Variants in WWP1 observed in about 807,000 individuals in gnomAD.
WWP1 encodes WW domain containing E3 ubiquitin protein ligase 1.
In WWP1, 49 loss-of-function variants were observed where a neutral mutation model predicts 130.6. The ratio of observed to expected loss-of-function variants is 0.38; its 90% CI spans 0.30 to 0.48. WWP1 has a LOEUF of 0.48. Ranked by LOEUF, WWP1 falls within the 20% of genes least tolerant of loss-of-function variation. The probability of loss-of-function intolerance (pLI) is 0.99; values close to 1 mark genes in which losing one functional copy is unlikely to be tolerated. For missense variants in WWP1, 809 were observed against 1,100.6 expected (o/e 0.74, Z 3.75); for synonymous variants, 332 against 367.8 (o/e 0.90, Z 1.11).
chr8:86,433,828 G>A (rs565753288), intron 14 of WWP1, among the ~76,000 whole-genome samples: 1 of 152,110 alleles, frequency 6.6e-6, no homozygotes, highest in Admixed American at 6.5e-5. Flanking sequence ...TGAGGCAGGA[G>A]AATCGCTTGA....
In WWP1 at chr8:86,468,466, T is replaced by A. The variant is rs1036956003; in HGVS notation, c.*1573T>A. On this transcript the variant is annotated 3_prime_UTR_variant, in exon 25 of 25. Coordinates refer to ENST00000517970, the MANE Select transcript of WWP1 (RefSeq NM_007013.4). Reference sequence around the variant, plus strand: ...AAATTCTAATGTATGTGACAGGTTATGTGATAGAGGGAAACTGGCCTTCAA... The same window carrying A: ...AAATTCTAATGTATGTGACAGGTTAAGTGATAGAGGGAAACTGGCCTTCAA... 2.3e-6 allele frequency: 1 copy of A among 430,922 alleles called. No homozygotes were observed. 26.7% of individuals were successfully genotyped at this position (430,922 alleles called of 1,614,324 possible). A position where few individuals can be genotyped will look rare whatever the true frequency, so the allele number is the denominator to read the frequency against.
At chr8:86,451,228 A>G (rs1811159149) in intron 20 of WWP1, among the ~76,000 whole-genome samples, 1 of 40,620 alleles carries the variant, frequency 2.5e-5, no homozygotes, top group Admixed American at 3.9e-4. Context: ...AAAAAAAAAA[A>G]AAAAAAAAAA....
chr8:86,359,033 G>A (rs1040884706), intron 1 of WWP1, among the ~76,000 whole-genome samples: 2 of 152,182 alleles, frequency 1.3e-5, no homozygotes, highest in African/African-American at 2.4e-5. Flanking sequence ...GTGGGAAGTC[G>A]TTGGTATCCA....
rs139848732 is a variant in WWP1, at chr8:86,354,681, A to G, written c.-115+11751A>G. On this transcript the variant is annotated intron_variant, in intron 1 of 24. Coordinates refer to ENST00000517970, the MANE Select transcript of WWP1 (RefSeq NM_007013.4). ...TTATAACAAAATGTGGCAGTACTGT[A>G]TTCCTTTCAAGTTCTTAAATGTAAT... Among the ~76,000 whole-genome samples, 514 of 152,280 alleles carry G rather than the reference A, an allele frequency of 3.4e-3. 15 individuals are homozygous for G. The East Asian group carries it at 0.045, about 13-fold the overall frequency.
At chr8:86,423,063 ATTTTTTT>A (rs200170387) in intron 9 of WWP1, among the ~76,000 whole-genome samples, 2 of 140,622 alleles carry the variant, frequency 1.4e-5, no homozygotes, top group Non-Finnish European at 3.1e-5. Context: ...AGGTTTCTTC[ATTTTTTT>A]TTTTTTTTTG....
rs184655516 is a variant in WWP1, at chr8:86,396,622, C to G, written c.335-1720C>G. Among the ~76,000 whole-genome samples the G allele has an allele frequency of 1.3e-3, 195 of 144,558 alleles. 2 individuals carry two copies. Among genetic ancestry groups the G allele is most frequent in the Middle Eastern group, 7.8e-3 (2 of 256 alleles). The allele number at this position is 144,558 out of a possible 152,430, so 94.8% of individuals were successfully genotyped here. ...TCTTCTTTCTTTTTTCAGACAGGGT[C>G]TCGCTCTATTACTCCCACTCGAGTA... On this transcript the variant is annotated intron_variant, in intron 5 of 24. Coordinates refer to ENST00000517970, the MANE Select transcript of WWP1 (RefSeq NM_007013.4).
intron 1 of WWP1, among the ~76,000 whole-genome samples, chr8:86,363,794 C>CAA (rs375454489): frequency 0.027 from 1,564 of 57,362 alleles, 31 homozygotes; most frequent in Middle Eastern, 0.087. Flanking sequence ...GACTCCATCT[C>CAA]AAAAAAAAAA....
intron 8 of WWP1, among the ~76,000 whole-genome samples, chr8:86,407,239 T>C (rs183434291): frequency 1.5e-3 from 230 of 152,322 alleles, no homozygotes; most frequent in South Asian, 2.3e-3. Flanking sequence ...CCTTCCTCTT[T>C]CCTTTTCCTT....
chr8:86,356,400 G>A (rs1823259445), intron 1 of WWP1, among the ~76,000 whole-genome samples: 1 of 151,384 alleles, frequency 6.6e-6, no homozygotes, highest in South Asian at 2.1e-4. Flanking sequence ...GTTCACTAGG[G>A]TAAGGGGAAA....
chr8:86,431,495 GTA>G lies in WWP1; in HGVS notation c.1472+10_1472+11del, dbSNP rs1809974186. 1 of 1,612,712 alleles carries G rather than the reference GTA, an allele frequency of 6.2e-7. No individual in the cohort carries two copies. Among genetic ancestry groups the G allele is most frequent in the South Asian group, 1.1e-5 (1 of 90,876 alleles). On this transcript the variant is annotated splice_donor_region_variant and intron_variant, in intron 13 of 24. Transcript: ENST00000517970. ...GGAAGATCCAAGAACTCAAGGGTAT[GTA>G]TATACAGCAGCCTTAAGTCGTCTTG...
chr8:86,383,252 A>G (rs896906508), intron 5 of WWP1, among the ~76,000 whole-genome samples: 1 of 152,038 alleles, frequency 6.6e-6, no homozygotes, highest in African/African-American at 2.4e-5. Flanking sequence ...TTATAAGTAT[A>G]CAGTACCTTG....
chr8:86,410,985 TCA>T (rs1003338322), intron 8 of WWP1, among the ~76,000 whole-genome samples: 6 of 152,228 alleles, frequency 3.9e-5, no homozygotes, highest in African/African-American at 1.2e-4. Flanking sequence ...ACTAGATCAA[TCA>T]CACTTAAAAT....
At chr8:86,343,158 G>T (rs1822327550) in intron 1 of WWP1, 1 of 217,718 alleles carries the variant, frequency 4.6e-6, no homozygotes, top group Non-Finnish European at 9.0e-6. Context: ...GTTCGCCCTG[G>T]CAAAGGCCTG....
chr8:86,357,667 G>T (rs1445991659), intron 1 of WWP1, among the ~76,000 whole-genome samples: 2 of 152,198 alleles, frequency 1.3e-5, no homozygotes, highest in African/African-American at 4.8e-5. Context: ...GATGACAAAA[G>T]TTTAATATCA....
At chr8:86,447,213 T>C (rs1046524283) in intron 18 of WWP1, among the ~76,000 whole-genome samples, 4 of 152,184 alleles carry the variant, frequency 2.6e-5, no homozygotes, top group African/African-American at 9.7e-5. Flanking sequence ...TGAATTTAGT[T>C]AGGCTTGGGA....
At chr8:86,464,679 C>G (rs552893288) in intron 24 of WWP1, among the ~76,000 whole-genome samples, 3 of 152,114 alleles carry the variant, frequency 2.0e-5, no homozygotes, top group Non-Finnish European at 4.4e-5. Flanking sequence ...CTATGCCTGG[C>G]TAATTTTTTA....
In WWP1 at chr8:86,396,104, CT is replaced by C. The variant is rs535762900; in HGVS notation, c.335-2226del. On this transcript the variant is annotated intron_variant, in intron 5 of 24. Coordinates refer to ENST00000517970, the MANE Select transcript of WWP1 (RefSeq NM_007013.4). ...CTGAAATTCGTGCTTTTGTAGTTTT[CT>C]TTTTTTTTTTTGAGATGGAGTCTTG... Among the ~76,000 whole-genome samples, 129 of 144,462 alleles carry C rather than the reference CT, an allele frequency of 8.9e-4. 1 individual carries two copies. Among genetic ancestry groups the C allele is most frequent in the South Asian group, 1.1e-3 (5 of 4,580 alleles). The allele number at this position is 144,462 out of a possible 152,430, so 94.8% of individuals were successfully genotyped here.
chr8:86,463,929 C>T (rs775777416), intron 24 of WWP1, among the ~76,000 whole-genome samples: 7 of 151,852 alleles, frequency 4.6e-5, no homozygotes, highest in Non-Finnish European at 1.0e-4. Flanking sequence ...GGTGTGGTGG[C>T]ACACACCTGT....
intron 1 of WWP1, among the ~76,000 whole-genome samples, chr8:86,368,519 T>A (rs1445977738): frequency 6.6e-6 from 1 of 152,186 alleles, no homozygotes; most frequent in Admixed American, 6.5e-5. Flanking sequence ...CTCACTATCT[T>A]AAATCTAACC....
Sources: allele counts gnomAD v4.1 joint callset (sites outside exome capture counted in the v4.1 genomes callset), GRCh38; gene constraint gnomAD v4.1.1; transcripts MANE v1.5; gene names NCBI Gene and HGNC (gene_info 2026-07-23, HGNC 2026-07-21).